GK5: variants seen among roughly 807,000 people sequenced by gnomAD.
GK5 encodes glycerol kinase 5, also known as ATP:glycerol 3-phosphotransferase 5.
GK5 carries 39 observed loss-of-function variants against 77.3 expected under a neutral mutation model. The observed-to-expected ratio is 0.50, with a 90% CI of 0.39 to 0.66. The LOEUF is 0.66. Among genes scored for constraint, GK5 ranks in the 30% least tolerant of loss-of-function variants. The pLI is 0.00. For missense variants in GK5, 487 were observed against 633.8 expected, an observed-to-expected ratio of 0.77 and a Z score of 2.49; for synonymous variants, 211 against 208.0, an observed-to-expected ratio of 1.01 and a Z score of -0.13.
rs559160501 is a variant in GK5 at position 142,186,229 on chromosome 3, T to C, written c.720A>G (p.Ile240Met). The C allele has an allele frequency of 3.1e-6, 5 of 1,605,866 alleles. No individual in the cohort carries two copies. In the East Asian group the frequency reaches 8.9e-5, roughly 29 times the overall value. Residue 240 changes from isoleucine (I) to methionine (M), a missense_variant, in exon 8 of 16, where the codon ATA (isoleucine) becomes ATG (methionine). Ile to Met is a conservative substitution (Grantham distance 10). This residue lies in a region of GK5 where 323 missense variants were observed against 437.4 expected (regional missense o/e 0.74). Coordinates refer to ENST00000392993, the MANE Select transcript of GK5 (RefSeq NM_001039547.3). ...WSGMITSLIS[I>M]PLSLLPPVRD... ...TCACAGGAGGTAGGAGAGAAAGTGG[T>C]ATCGAAATTAGAGAGGTAATCATCC...
intron 3 of GK5, among the ~76,000 whole-genome samples, chr3:142,210,195 T>C (rs886798041): frequency 3.3e-5 from 5 of 152,148 alleles, no homozygotes; most frequent in Admixed American, 1.3e-4. Flanking sequence ...TTAGACCTCC[T>C]GACAGCAACT....
intron 15 of GK5, 57 bp from the exon 16 acceptor site, chr3:142,165,827 T>C: frequency 7.9e-7 from 1 of 1,259,890 alleles, no homozygotes; most frequent in Non-Finnish European, 1.1e-6. Context: ...CCAATAAAGT[T>C]TATCCAAAAA....
In GK5 at chr3:142,165,532, A is replaced by G; in HGVS notation, c.*90T>C. 2 of 886,264 alleles carry G rather than the reference A, an allele frequency of 2.3e-6. No individual in the cohort carries two copies. The highest frequency in any genetic ancestry group is 2.9e-5 in the East Asian group (1 of 34,368). The allele number at this position is 886,264 out of a possible 1,614,324, so 54.9% of individuals were successfully genotyped here. On this transcript the variant is annotated 3_prime_UTR_variant, in exon 16 of 16. Transcript: ENST00000392993. ...AGCTTATTTAAAATTTTCTCCTCTT[A>G]GTCATTGTCATATGGGTTATCCCTG...
At chr3:142,181,256 CT>C (rs2107773575) in intron 11 of GK5, among the ~76,000 whole-genome samples, 1 of 152,244 alleles carries the variant, frequency 6.6e-6, no homozygotes, top group South Asian at 2.1e-4. Flanking sequence ...ACTTATTATT[CT>C]TTTTCTTTAT....
At chr3:142,199,627 T>C (rs992015617) in intron 4 of GK5, among the ~76,000 whole-genome samples, 3 of 152,096 alleles carry the variant, frequency 2.0e-5, no homozygotes, top group African/African-American at 7.2e-5. Context: ...GTACTTAAAA[T>C]CTGGTTGTAT....
At position 142,158,721 on chromosome 3, in the gene GK5, A is replaced by G. The variant is rs1034307896; in HGVS notation, c.*6901T>C. ...TCTTGTACAAATAGGAAAGTTTCTA[A>G]TAACTTATTAACAAAATCATTCTGA... On this transcript the variant is annotated 3_prime_UTR_variant, in exon 16 of 16. Transcript: ENST00000392993. 2 of 152,626 alleles carry G rather than the reference A, an allele frequency of 1.3e-5. No homozygotes were observed. Among genetic ancestry groups the G allele is most frequent in the Non-Finnish European group, 2.9e-5 (2 of 68,040 alleles). The allele number at this position is 152,626 out of a possible 1,614,324, so 9.5% of individuals were successfully genotyped here.
rs1577142617 is a variant in GK5, at chr3:142,206,974, C to A, written c.318-2186G>T. 4.6e-5 allele frequency among the ~76,000 whole-genome samples: 7 copies of A among 152,228 alleles called. No individual in the cohort carries two copies. The South Asian group carries it at 1.5e-3, about 32-fold the overall frequency. On this transcript the variant is annotated intron_variant, in intron 3 of 15. Coordinates refer to ENST00000392993, the MANE Select transcript of GK5 (RefSeq NM_001039547.3). ...GGGAGACCCCCTGAAACTATGGCTA[C>A]AGAATAAAAGATGAAATGCTCCTGA...
At chr3:142,186,399 A>G (rs1168528731) in intron 7 of GK5, 53 bp downstream of exon 7, 39 of 1,101,394 alleles carry the variant, frequency 3.5e-5, no homozygotes, top group South Asian at 3.2e-4. Context: ...ATTTAAATCT[A>G]TCTATATTAC....
At chr3:142,211,672 T>C (rs201974586) in intron 3 of GK5, among the ~76,000 whole-genome samples, 2 of 152,200 alleles carry the variant, frequency 1.3e-5, no homozygotes, top group East Asian at 3.9e-4. Context: ...TACACACCTA[T>C]AGTCCTAGCT....
intron 1 of GK5, among the ~76,000 whole-genome samples, chr3:142,218,101 A>T (rs190675936): frequency 2.0e-4 from 31 of 152,294 alleles, no homozygotes; most frequent in Non-Finnish European, 1.9e-4. Flanking sequence ...ATGGAACAGA[A>T]TACAGAGTCC....
Position 142,190,271 on chromosome 3 carries a change from G to A in GK5, c.544-2492C>T, listed in dbSNP as rs117193537. 1.5e-4 allele frequency among the ~76,000 whole-genome samples: 23 copies of A among 152,274 alleles called. No homozygotes were observed. The East Asian group carries it at 4.2e-3, about 28-fold the overall frequency. On this transcript the variant is annotated intron_variant, in intron 5 of 15. Transcript: ENST00000392993. Reference sequence around the variant, plus strand: ...TAGGGTTAGATATACAGGGGATTCAGTGAGAAGGTCTAAACTTAAAAATGT... The same window carrying A: ...TAGGGTTAGATATACAGGGGATTCAATGAGAAGGTCTAAACTTAAAAATGT...
chr3:142,215,639 A>C lies in GK5; in HGVS notation c.201T>G (p.Leu67=). Reference sequence around the variant, plus strand: ...TTATTACGGCAACAAATTGAATCCAAAGAACATCAGGATCAATTTCTACCC... The same window carrying C: ...TTATTACGGCAACAAATTGAATCCACAGAACATCAGGATCAATTTCTACCC... The part of the protein sequence containing the change: ...IGWVEIDPDV[L]WIQFVAVIKE... The change falls in exon 2 of 16, where the codon CTT becomes CTG. Residue 67 remains leucine, a synonymous_variant. Transcript: ENST00000392993. The C allele has an allele frequency of 6.3e-7, 1 of 1,598,024 alleles. No homozygotes were observed. The highest frequency in any genetic ancestry group is 1.7e-4 in the Middle Eastern group (1 of 6,004).
Position 142,181,328 on chromosome 3 carries a change from T to C in GK5, c.1048+133A>G, listed in dbSNP as rs189755263. 4.8e-4 allele frequency: 250 copies of C among 517,452 alleles called. 1 individual carries two copies. The highest frequency in any genetic ancestry group is 4.7e-3 in the African/African-American group (237 of 50,890). The allele number at this position is 517,452 out of a possible 1,614,324, so 32.1% of individuals were successfully genotyped here. ...CGATATCATAAAAATACTTTATATT[T>C]TCTTTTAATAGATGTCATTTTATTT... On this transcript the variant is annotated intron_variant, in intron 11 of 15. Transcript: ENST00000392993.
chr3:142,185,117 A>T, intron 9 of GK5: 1 of 985,420 alleles, frequency 1.0e-6, no homozygotes, highest in African/African-American at 1.7e-5. Flanking sequence ...AAGGACTCTT[A>T]AAAATCAAAA....
Position 142,213,514 on chromosome 3 carries a change from G to A in GK5, c.317+12C>T, listed in dbSNP as rs6440072. 0.66 allele frequency: 1,012,570 copies of A among 1,537,068 alleles called. 338,071 individuals carry two copies. The highest frequency in any genetic ancestry group is 0.84 in the African/African-American group (61,430 of 73,270). Reference sequence around the variant, plus strand: ...ACCCAGCAGTAGGGTGCTTATCACAGAATGTACTTACTTGTTCCACGTAAT... The same window carrying A: ...ACCCAGCAGTAGGGTGCTTATCACAAAATGTACTTACTTGTTCCACGTAAT... On this transcript the variant is annotated intron_variant, in intron 3 of 15. Transcript: ENST00000392993.
intron 5 of GK5, among the ~76,000 whole-genome samples, chr3:142,194,386 C>T (rs780606388): frequency 4.3e-4 from 65 of 152,160 alleles, no homozygotes; most frequent in Admixed American, 1.4e-3. Flanking sequence ...GTTAGCTGGG[C>T]GTTGTGGCGC....
chr3:142,210,699 C>T (rs1163090679), intron 3 of GK5, among the ~76,000 whole-genome samples: 3 of 152,220 alleles, frequency 2.0e-5, no homozygotes, highest in African/African-American at 7.2e-5. Context: ...TATCCCTCTA[C>T]AACACCACCA....
chr3:142,215,496 T>C (rs921820565), intron 2 of GK5, 103 bp downstream of exon 2: 6 of 614,082 alleles, frequency 9.8e-6, no homozygotes, highest in South Asian at 2.2e-5. Flanking sequence ...TAAAATACTA[T>C]ATATATGTAT....
At chr3:142,187,834 T>C in intron 5 of GK5, 55 bp from the exon 6 acceptor site, 4 of 1,276,302 alleles carry the variant, frequency 3.1e-6, no homozygotes. Flanking sequence ...ACTAAGTGCA[T>C]GATTAAATGC....
Sources: allele counts gnomAD v4.1 joint callset (sites outside exome capture counted in the v4.1 genomes callset), GRCh38; gene constraint gnomAD v4.1.1; regional missense constraint gnomAD v4.1.1; transcripts MANE v1.5; gene names NCBI Gene and HGNC (gene_info 2026-07-23, HGNC 2026-07-21).